Variants in TSPAN18 observed in about 807,000 individuals in gnomAD.
TSPAN18 encodes the protein tetraspanin-18.
TSPAN18 carries 14 observed loss-of-function variants against 27.3 expected under a neutral mutation model. The observed-to-expected ratio is 0.51, with a 90% confidence interval of 0.34 to 0.80. The LOEUF (loss-of-function observed/expected upper bound fraction) is 0.80, where lower values mean the gene tolerates loss of function less well. Among genes scored for constraint, TSPAN18 ranks in the 30% least tolerant of loss-of-function variants. TSPAN18 has a pLI of 0.01. For missense variants in TSPAN18, 268 were observed against 323.9 expected (o/e 0.83, Z 1.32); for synonymous variants, 143 against 136.5 (o/e 1.05, Z -0.33).
At chr11:44,735,774 G>A (rs928592532) in intron 1 of TSPAN18, among the ~76,000 whole-genome samples, 16 of 152,074 alleles carry the variant, frequency 1.1e-4, no homozygotes, top group Admixed American at 5.2e-4. Flanking sequence ...CCACCACCAC[G>A]CCTGGCTAAT....
At chr11:44,741,447 A>ATATGTGTGTGTGTGTGTGTGTG (rs59390988) in intron 1 of TSPAN18, among the ~76,000 whole-genome samples, 30 of 147,478 alleles carry the variant, frequency 2.0e-4, no homozygotes, top group African/African-American at 6.4e-4. Context: ...TCAGACATGT[A>ATATGTGTGTGTGTGTGTGTGTG]TGTGTGTGTG....
intron 3 of TSPAN18, among the ~76,000 whole-genome samples, chr11:44,862,038 C>A (rs992305328): frequency 1.3e-5 from 2 of 152,128 alleles, no homozygotes; most frequent in African/African-American, 2.4e-5. Context: ...TCCTTCATGG[C>A]TGAGGGGAGT....
intron 1 of TSPAN18, among the ~76,000 whole-genome samples, chr11:44,747,025 C>T (rs571207927): frequency 6.6e-6 from 1 of 152,224 alleles, no homozygotes; most frequent in Non-Finnish European, 1.5e-5. Context: ...AGCCCTGTGT[C>T]CCCAGCCAGC....
rs1854527563 is a variant in TSPAN18 at position 44,726,979 on chromosome 11, C to T, written c.-548C>T. On this transcript the variant is annotated 5_prime_UTR_variant, in exon 1 of 10. Transcript: ENST00000520358. ...GGGCGTGCAGCTGCCGCCGGCGTCGCGGGGCTCCAGGCTGCGGGGCGGACG... is the reference window on the plus strand; with the variant it reads ...GGGCGTGCAGCTGCCGCCGGCGTCGTGGGGCTCCAGGCTGCGGGGCGGACG... 9.8e-6 allele frequency: 1 copy of T among 102,058 alleles called. No individual in the cohort carries two copies. Among genetic ancestry groups the T allele is most frequent in the African/African-American group, 3.1e-5 (1 of 32,304 alleles). 6.3% of individuals were successfully genotyped at this position (102,058 alleles called of 1,614,324 possible).
chr11:44,873,505 A>ACCC (rs1858248965), intron 3 of TSPAN18, among the ~76,000 whole-genome samples: 2 of 152,066 alleles, frequency 1.3e-5, no homozygotes, highest in Non-Finnish European at 1.5e-5. Context: ...TAGCAGACAA[A>ACCC]CCCCTTGACT....
intron 2 of TSPAN18, among the ~76,000 whole-genome samples, chr11:44,819,453 C>T (rs954483085): frequency 6.6e-6 from 1 of 152,092 alleles, no homozygotes; most frequent in Non-Finnish European, 1.5e-5. Context: ...GCATGTGTGT[C>T]GGGTTCTTTA....
At chr11:44,841,188 G>A (rs966687153) in intron 2 of TSPAN18, among the ~76,000 whole-genome samples, 3 of 152,176 alleles carry the variant, frequency 2.0e-5, no homozygotes, top group African/African-American at 7.2e-5. Context: ...AGCATAGGAG[G>A]TGGACAGAAA....
intron 2 of TSPAN18, among the ~76,000 whole-genome samples, chr11:44,768,858 A>G (rs188711715): frequency 1.7e-4 from 25 of 147,580 alleles, no homozygotes; most frequent in African/African-American, 6.2e-4. Flanking sequence ...ATTTTTCTTC[A>G]TTAGATTGTT....
intron 3 of TSPAN18, among the ~76,000 whole-genome samples, chr11:44,894,259 A>T (rs1858956909): frequency 6.6e-6 from 1 of 152,208 alleles, no homozygotes; most frequent in South Asian, 2.1e-4. Context: ...TATGGCTGGC[A>T]CAGGCAGATC....
intron 2 of TSPAN18, among the ~76,000 whole-genome samples, chr11:44,827,580 G>T (rs1204833904): frequency 6.6e-6 from 1 of 152,156 alleles, no homozygotes; most frequent in Non-Finnish European, 1.5e-5. Context: ...CCCACCCTGG[G>T]GTCATCAGGG....
chr11:44,766,559 G>A (rs1855571417), intron 2 of TSPAN18, among the ~76,000 whole-genome samples: 1 of 152,180 alleles, frequency 6.6e-6, no homozygotes, highest in South Asian at 2.1e-4. Context: ...GAAGTCGTGG[G>A]CCTCAAGCCT....
At chr11:44,754,151 G>A (rs953376954) in intron 1 of TSPAN18, among the ~76,000 whole-genome samples, 1 of 152,188 alleles carries the variant, frequency 6.6e-6, no homozygotes, top group Non-Finnish European at 1.5e-5. Context: ...CTTGCCTCCT[G>A]CGGACCTTTT....
At chr11:44,924,123 G>GTGTGTGTGTC (rs1554941266) in intron 8 of TSPAN18, among the ~76,000 whole-genome samples, 1 of 151,948 alleles carries the variant, frequency 6.6e-6, no homozygotes, top group African/African-American at 2.4e-5. Context: ...GTGTGTGTGT[G>GTGTGTGTGTC]TGTGTGTGAT....
At chr11:44,810,193 G>A (rs891664901) in intron 2 of TSPAN18, among the ~76,000 whole-genome samples, 9 of 152,136 alleles carry the variant, frequency 5.9e-5, no homozygotes, top group Admixed American at 3.9e-4. Flanking sequence ...GCAATTCAGT[G>A]GCATTCAGCT....
At chr11:44,815,943 T>C (rs905286584) in intron 2 of TSPAN18, among the ~76,000 whole-genome samples, 1 of 152,024 alleles carries the variant, frequency 6.6e-6, no homozygotes, top group African/African-American at 2.4e-5. Flanking sequence ...CACGGAGCCT[T>C]CTCCCCAATA....
intron 4 of TSPAN18, 115 bp from the exon 5 acceptor site, chr11:44,909,590 A>T: frequency 9.5e-7 from 1 of 1,049,916 alleles, no homozygotes; most frequent in Non-Finnish European, 1.4e-6. Flanking sequence ...TGCCTGGCTC[A>T]CCTAGTGCTT....
intron 3 of TSPAN18, among the ~76,000 whole-genome samples, chr11:44,887,863 C>T (rs1362667659): frequency 1.3e-5 from 2 of 152,178 alleles, no homozygotes; most frequent in Admixed American, 1.3e-4. Flanking sequence ...GTTCCCAGGC[C>T]CCCTTAATAC....
chr11:44,812,520 A>G (rs985438561), intron 2 of TSPAN18, among the ~76,000 whole-genome samples: 1 of 152,142 alleles, frequency 6.6e-6, no homozygotes, highest in African/African-American at 2.4e-5. Context: ...AGACTCACAG[A>G]GGGGGCACCA....
At chr11:44,878,035 C>G (rs1353672502) in intron 3 of TSPAN18, among the ~76,000 whole-genome samples, 2 of 152,026 alleles carry the variant, frequency 1.3e-5, no homozygotes, top group Admixed American at 1.3e-4. Flanking sequence ...TAGACTGCAT[C>G]TTTCCATCCT....
Sources: allele counts gnomAD v4.1 joint callset (sites outside exome capture counted in the v4.1 genomes callset), GRCh38; gene constraint gnomAD v4.1.1; transcripts MANE v1.5; gene names NCBI Gene and HGNC (gene_info 2026-07-23, HGNC 2026-07-21).